The following CHD9 variants were observed in gnomAD, a reference collection of about 807,000 sequenced individuals.
The protein encoded by CHD9 is chromodomain helicase DNA binding protein 9.
Under a neutral mutation model 316.1 loss-of-function variants are expected in CHD9, and 77 were observed. The ratio of observed to expected loss-of-function variants is 0.24; its 90% CI spans 0.20 to 0.29. CHD9 has a LOEUF of 0.29. Ranked by LOEUF, CHD9 falls within the 10% of genes least tolerant of loss-of-function variation. The pLI is 1.00. For missense variants in CHD9, 2,763 were observed against 3,438.1 expected (o/e 0.80, Z 4.91); for synonymous variants, 1,129 against 1,158.3 (o/e 0.97, Z 0.51).
rs369035655 is a variant in CHD9, at chr16:53,235,188, C to T, written c.2515C>T (p.Arg839Cys). The T allele has an allele frequency of 3.0e-5, 46 of 1,555,580 alleles. No individual in the cohort carries two copies. The highest frequency in any genetic ancestry group is 9.5e-5 in the African/African-American group (7 of 73,454). The change falls in exon 11 of 39, where the codon CGT (arginine) becomes TGT (cysteine). Residue 839 changes from arginine to cysteine, a missense_variant. Physicochemically the swap from Arg to Cys is radical, Grantham distance 180 (BLOSUM62 -3). Transcript: ENST00000447540. ...ASRPDTRRLD[R>C]PPSNIWKKID... is the part of the protein sequence containing the mutation. Reference sequence around the variant, plus strand: ...CATTCTTTGTTTTTCCACAAAGGACCGTCCTCCTTCTAATATTTGGAAGAA... The same window carrying T: ...CATTCTTTGTTTTTCCACAAAGGACTGTCCTCCTTCTAATATTTGGAAGAA...
At chr16:53,235,813 ATAGAATATCTTACATTC>A in intron 11 of CHD9, among the ~76,000 whole-genome samples, 1 of 152,334 alleles carries the variant, frequency 6.6e-6, no homozygotes, top group South Asian at 2.1e-4. Flanking sequence ...AAAATGCCTT[ATAGAATATCTTACATTC>A]TTTTTTGACA....
chr16:53,076,605 A>T lies in CHD9; in HGVS notation c.-165+21528A>T, dbSNP rs144008052. ...AAAAAGAAAAGCAAAGAAAAGAAAA[A>T]ATATATATATATGTATAAATTTGCT... On this transcript the variant is annotated intron_variant, in intron 1 of 38. Transcript: ENST00000447540. Among the ~76,000 whole-genome samples, 420 of 151,180 alleles carry T rather than the reference A, an allele frequency of 2.8e-3. 3 individuals carry two copies. Among genetic ancestry groups the T allele is most frequent in the South Asian group, 0.011 (54 of 4,756 alleles).
At chr16:53,285,933 A>G (rs8057932) in intron 25 of CHD9, among the ~76,000 whole-genome samples, 42,336 of 152,082 alleles carry the variant, frequency 0.28, 5,985 homozygotes, top group Middle Eastern at 0.32. Context: ...TTCCTCTCTC[A>G]GGAAGAGTTC....
Position 53,113,443 on chromosome 16 carries a change from G to A in CHD9, c.-164-42483G>A, listed in dbSNP as rs573616756. Among the ~76,000 whole-genome samples the A allele has an allele frequency of 1.5e-3, 221 of 146,224 alleles. 1 individual carries two copies. The highest frequency in any genetic ancestry group is 2.4e-3 in the Non-Finnish European group (163 of 67,172). On this transcript the variant is annotated intron_variant, in intron 1 of 38. Coordinates refer to ENST00000447540, the MANE Select transcript of CHD9 (RefSeq NM_001308319.2). ...TTCTCCTGCCTCAGCCTCCCGAGTA[G>A]CTGGGACCACAGGTACATGCTACCA...
chr16:53,228,121 A>G (rs1163263623), intron 7 of CHD9, among the ~76,000 whole-genome samples: 1 of 152,230 alleles, frequency 6.6e-6, no homozygotes. Context: ...ATTTTCCAGA[A>G]AATGTTCATT....
chr16:53,178,707 C>T (rs2043266810), intron 2 of CHD9, among the ~76,000 whole-genome samples: 1 of 152,150 alleles, frequency 6.6e-6, no homozygotes, highest in South Asian at 2.1e-4. Flanking sequence ...AAGTAATCGT[C>T]CTGCCTTGGC....
intron 1 of CHD9, among the ~76,000 whole-genome samples, chr16:53,145,871 A>G (rs2040534235): frequency 6.6e-6 from 1 of 152,162 alleles, no homozygotes. Context: ...CATATAATGG[A>G]ATATTAGCCT....
chr16:53,307,219 T>C (rs2056066791), intron 32 of CHD9, among the ~76,000 whole-genome samples: 1 of 152,222 alleles, frequency 6.6e-6, no homozygotes, highest in South Asian at 2.1e-4. Flanking sequence ...TCTGTATTAC[T>C]TTTTAATTAT....
At chr16:53,313,408 T>C (rs369805733) in intron 34 of CHD9, among the ~76,000 whole-genome samples, 2 of 151,982 alleles carry the variant, frequency 1.3e-5, no homozygotes, top group African/African-American at 4.8e-5. Context: ...CGGATTCAAG[T>C]GATTCTTGTG....
rs184188549 is a variant in CHD9 at position 53,251,313 on chromosome 16, T to C, written c.3861+1247T>C. Reference sequence around the variant, plus strand: ...GCATGTTTGTACTTATAAGTGCCCATAGTGGATGTTCTAAAAGTTAATTTA... The same window carrying C: ...GCATGTTTGTACTTATAAGTGCCCACAGTGGATGTTCTAAAAGTTAATTTA... On this transcript the variant is annotated intron_variant, in intron 17 of 38. Coordinates refer to ENST00000447540, the MANE Select transcript of CHD9 (RefSeq NM_001308319.2). Among the ~76,000 whole-genome samples the C allele has an allele frequency of 5.5e-3, 831 of 152,344 alleles. 6 individuals carry two copies. The highest frequency in any genetic ancestry group is 8.0e-3 in the Non-Finnish European group (541 of 68,022).
At chr16:53,103,191 T>C (rs2037049468) in intron 1 of CHD9, among the ~76,000 whole-genome samples, 2 of 50,908 alleles carry the variant, frequency 3.9e-5, no homozygotes, top group Non-Finnish European at 6.9e-5. Flanking sequence ...ATTTTATTTG[T>C]TTTTTTTTTC....
chr16:53,134,734 G>A (rs112741419), intron 1 of CHD9, among the ~76,000 whole-genome samples: 3 of 152,296 alleles, frequency 2.0e-5, no homozygotes, highest in African/African-American at 7.2e-5. Context: ...GTGACAATGG[G>A]AGACCCAAAG....
At position 53,324,550 on chromosome 16, in the gene CHD9, T is replaced by C; in HGVS notation, c.8349T>C (p.Asn2783=). 3 of 1,613,824 alleles carry C rather than the reference T, an allele frequency of 1.9e-6. No individual in the cohort carries two copies. In the East Asian group the frequency reaches 6.7e-5, roughly 36 times the overall value. Residue 2783 remains asparagine (N), a synonymous_variant, in exon 39 of 39, where the codon AAT becomes AAC. Coordinates refer to ENST00000447540, the MANE Select transcript of CHD9 (RefSeq NM_001308319.2). ...SPSTSSTAAL[N]TAAAANPLAL... ...CCACATCCTCTACTGCTGCATTAAA[T>C]ACAGCTGCAGCTGCCAACCCATTAG...
At chr16:53,071,436 C>G (rs898611322) in intron 1 of CHD9, among the ~76,000 whole-genome samples, 1 of 152,162 alleles carries the variant, frequency 6.6e-6, no homozygotes, top group African/African-American at 2.4e-5. Flanking sequence ...TGAGCCCCTA[C>G]CCATTCACCC....
intron 2 of CHD9, among the ~76,000 whole-genome samples, chr16:53,200,274 G>C (rs1043774257): frequency 2.0e-5 from 3 of 151,606 alleles, no homozygotes; most frequent in Admixed American, 1.3e-4. Context: ...GGGAGGCTGA[G>C]GCAGGAGAAT....
chr16:53,288,119 C>G, intron 27 of CHD9, 105 bp downstream of exon 27: 2 of 810,712 alleles, frequency 2.5e-6, no homozygotes, highest in Non-Finnish European at 4.2e-6. Flanking sequence ...ATACATAATT[C>G]TTCTGTTCCT....
chr16:53,175,858 A>G (rs956445332), intron 2 of CHD9, among the ~76,000 whole-genome samples: 1 of 152,188 alleles, frequency 6.6e-6, no homozygotes, highest in Non-Finnish European at 1.5e-5. Context: ...GTTTTTACAG[A>G]TAAGGACATG....
chr16:53,144,790 C>T (rs191427952), intron 1 of CHD9, among the ~76,000 whole-genome samples: 217 of 152,144 alleles, frequency 1.4e-3, no homozygotes, highest in Middle Eastern at 6.8e-3. Context: ...TCCCAAAGTG[C>T]TGGGATTACA....
intron 19 of CHD9, among the ~76,000 whole-genome samples, chr16:53,262,599 A>G (rs1450448966): frequency 1.3e-5 from 2 of 152,174 alleles, no homozygotes; most frequent in African/African-American, 2.4e-5. Context: ...TAAACTAGAA[A>G]TATACCAGAA....
Sources: gnomAD v4.1 joint callset for allele counts (sites outside exome capture counted in the v4.1 genomes callset) on GRCh38, gnomAD v4.1.1 for gene constraint, MANE v1.5 for transcripts, NCBI Gene and HGNC (gene_info 2026-07-23, HGNC 2026-07-21) for gene names.